Variants in PKIA observed in about 807,000 individuals in gnomAD.
The protein encoded by PKIA is PKI-alpha.
In PKIA, 4 loss-of-function variants were observed where a neutral mutation model predicts 7.6. That is an observed-to-expected ratio of 0.52 (90% CI 0.26 to 1.20). The LOEUF (loss-of-function observed/expected upper bound fraction) is 1.20. Among genes scored for constraint, PKIA ranks in the 50% most tolerant of loss-of-function variants. The pLI is 0.13. For synonymous variants in PKIA, 21 were observed against 30.7 expected, an observed-to-expected ratio of 0.68 and a Z score of 1.04; for missense variants, 73 against 86.2, an observed-to-expected ratio of 0.85 and a Z score of 0.61.
intron 1 of PKIA, among the ~76,000 whole-genome samples, chr8:78,565,417 A>C (rs539516163): frequency 1.3e-5 from 2 of 152,076 alleles, no homozygotes; most frequent in African/African-American, 2.4e-5. Context: ...AAAACTCTTC[A>C]GTTATTGAAT....
intron 3 of PKIA, among the ~76,000 whole-genome samples, chr8:78,598,974 A>G (rs1465894433): frequency 6.6e-6 from 1 of 152,100 alleles, no homozygotes; most frequent in African/African-American, 2.4e-5. Flanking sequence ...TTAGTAAAAA[A>G]GAGTCTCCAG....
chr8:78,579,445 C>T (rs898988741), intron 2 of PKIA, among the ~76,000 whole-genome samples: 3 of 151,966 alleles, frequency 2.0e-5, no homozygotes, highest in African/African-American at 7.2e-5. Flanking sequence ...CTCACACACT[C>T]GCCTCTAGAA....
At chr8:78,522,141 A>C (rs1328838832) in intron 1 of PKIA, among the ~76,000 whole-genome samples, 2 of 151,964 alleles carry the variant, frequency 1.3e-5, no homozygotes, top group African/African-American at 4.8e-5. Context: ...AAACACTTTC[A>C]GTACATTGTC....
intron 2 of PKIA, among the ~76,000 whole-genome samples, chr8:78,596,649 T>C (rs1156808545): frequency 6.6e-6 from 1 of 152,260 alleles, no homozygotes; most frequent in African/African-American, 2.4e-5. Context: ...TTTCTTTTGC[T>C]GTGCAGAAGC....
intron 2 of PKIA, among the ~76,000 whole-genome samples, chr8:78,579,599 T>C (rs1336353085): frequency 2.0e-5 from 3 of 152,050 alleles, no homozygotes; most frequent in Non-Finnish European, 4.4e-5. Flanking sequence ...TGAGAGACAT[T>C]TTGCGAAAGA....
At chr8:78,584,471 G>A (rs868788852) in intron 2 of PKIA, among the ~76,000 whole-genome samples, 6 of 152,048 alleles carry the variant, frequency 3.9e-5, no homozygotes, top group African/African-American at 1.4e-4. Context: ...CTTTGGTTGT[G>A]TTATAAGATA....
chr8:78,539,502 A>G (rs1563571491), intron 1 of PKIA, among the ~76,000 whole-genome samples: 1 of 152,108 alleles, frequency 6.6e-6, no homozygotes, highest in Non-Finnish European at 1.5e-5. Flanking sequence ...ATCTAACATC[A>G]ATACTGATTA....
chr8:78,555,260 AT>A (rs1366270996), intron 1 of PKIA, among the ~76,000 whole-genome samples: 1 of 151,940 alleles, frequency 6.6e-6, no homozygotes, highest in Non-Finnish European at 1.5e-5. Flanking sequence ...CTGTTATCTA[AT>A]ACCCCTTACA....
rs1284734680 is a variant in PKIA at position 78,592,705 on chromosome 8, C to G, written c.-27-5653C>G. Among the ~76,000 whole-genome samples, 5 of 152,092 alleles carry G rather than the reference C, an allele frequency of 3.3e-5. 1 individual carries two copies. Among genetic ancestry groups the G allele is most frequent in the Non-Finnish European group, 7.4e-5 (5 of 68,000 alleles). On this transcript the variant is annotated intron_variant, in intron 2 of 3. Transcript: ENST00000396418. Reference sequence around the variant, plus strand: ...GCTTACCCTCATATAAGTAGAATTGCCACCAGGATCTTTTAAAATTCCCAC... The same window carrying G: ...GCTTACCCTCATATAAGTAGAATTGGCACCAGGATCTTTTAAAATTCCCAC...
At chr8:78,596,201 T>G (rs1808222665) in intron 2 of PKIA, among the ~76,000 whole-genome samples, 2 of 152,108 alleles carry the variant, frequency 1.3e-5, no homozygotes, top group African/African-American at 4.8e-5. Context: ...ATTGCCCAAT[T>G]TTTAAGGAGC....
At chr8:78,572,311 GTC>G (rs1807568479) in intron 1 of PKIA, among the ~76,000 whole-genome samples, 1 of 150,706 alleles carries the variant, frequency 6.6e-6, no homozygotes, top group African/African-American at 2.4e-5. Flanking sequence ...GACATTAAAA[GTC>G]TCTGTAAATA....
chr8:78,563,602 T>C (rs73243240), intron 1 of PKIA, among the ~76,000 whole-genome samples: 5,103 of 152,144 alleles, frequency 0.034, 95 homozygotes, highest in African/African-American at 0.041. Flanking sequence ...AAACTCTCCA[T>C]TGGCTGTGGT....
chr8:78,567,251 T>C (rs2118539629), intron 1 of PKIA, among the ~76,000 whole-genome samples: 1 of 152,284 alleles, frequency 6.6e-6, no homozygotes, highest in African/African-American at 2.4e-5. Context: ...CTGAAGTTCA[T>C]ACTTTGATCA....
chr8:78,590,054 G>A (rs1351006895), intron 2 of PKIA, among the ~76,000 whole-genome samples: 1 of 152,092 alleles, frequency 6.6e-6, no homozygotes, highest in Non-Finnish European at 1.5e-5. Context: ...AAATCTAACA[G>A]TGTCTTTTGC....
chr8:78,541,267 A>C (rs544052153), intron 1 of PKIA, among the ~76,000 whole-genome samples: 1 of 152,238 alleles, frequency 6.6e-6, no homozygotes, highest in African/African-American at 2.4e-5. Flanking sequence ...TAAAAGTTGC[A>C]CAGTTGGCAA....
intron 2 of PKIA, among the ~76,000 whole-genome samples, chr8:78,577,989 A>C (rs1181205522): frequency 6.6e-6 from 1 of 151,850 alleles, no homozygotes; most frequent in Non-Finnish European, 1.5e-5. Context: ...CATGAGTCTT[A>C]TTTCTCCTAG....
chr8:78,579,641 C>T (rs999439303), intron 2 of PKIA, among the ~76,000 whole-genome samples: 3 of 151,980 alleles, frequency 2.0e-5, no homozygotes, highest in Admixed American at 6.6e-5. Flanking sequence ...GGTATTTACA[C>T]GTTTAGCAAT....
intron 1 of PKIA, among the ~76,000 whole-genome samples, chr8:78,529,597 CAAACA>C (rs966339444): frequency 5.9e-5 from 9 of 151,822 alleles, no homozygotes; most frequent in African/African-American, 1.9e-4. Flanking sequence ...AATGATCAAA[CAAACA>C]AAAGTATGGG....
In PKIA at chr8:78,523,918, TTA is replaced by T. The variant is rs567131394; in HGVS notation, c.-157+7461_-157+7462del. On this transcript the variant is annotated intron_variant, in intron 1 of 3. Transcript: ENST00000396418. Reference sequence around the variant, plus strand: ...CATATTTATATTTATACATATATATTTATATATATATAAATATATATAAACAT... The same window carrying T: ...CATATTTATATTTATACATATATATTTATATATATAAATATATATAAACAT... Among the ~76,000 whole-genome samples, 457 of 126,538 alleles carry T rather than the reference TTA, an allele frequency of 3.6e-3. 14 individuals are homozygous for T. Among genetic ancestry groups the T allele is most frequent in the African/African-American group, 0.013 (385 of 30,466 alleles). 83.0% of individuals were successfully genotyped at this position (126,538 alleles called of 152,430 possible). A position where few individuals can be genotyped will look rare whatever the true frequency, so the allele number is the denominator to read the frequency against.
Sources: gnomAD v4.1 joint callset for allele counts (sites outside exome capture counted in the v4.1 genomes callset) on GRCh38, gnomAD v4.1.1 for gene constraint, MANE v1.5 for transcripts, NCBI Gene and HGNC (gene_info 2026-07-23, HGNC 2026-07-21) for gene names.